Variants in FRMD4A observed in about 807,000 individuals in gnomAD.
The protein encoded by FRMD4A is FERM domain containing 4A.
A neutral mutation model predicts 129.1 loss-of-function variants in FRMD4A; 29 were observed. That is an observed-to-expected ratio of 0.22 (90% CI 0.17 to 0.31). The LOEUF is 0.31. FRMD4A is among the 10% of genes least tolerant of loss of function. The pLI is 1.00. For missense variants in FRMD4A, 1,272 were observed against 1,375.8 expected (o/e 0.92, Z 1.19); for synonymous variants, 634 against 571.6 (o/e 1.11, Z -1.56).
intron 2 of FRMD4A, among the ~76,000 whole-genome samples, chr10:14,073,307 CA>C (rs1351210719): frequency 6.6e-6 from 1 of 152,076 alleles, no homozygotes; most frequent in Non-Finnish European, 1.5e-5. Flanking sequence ...GGGAGGGCTA[CA>C]AGGTGACAGA....
At chr10:14,205,441 C>A (rs552064952) in intron 2 of FRMD4A, among the ~76,000 whole-genome samples, 45 of 152,106 alleles carry the variant, frequency 3.0e-4, no homozygotes, top group Non-Finnish European at 5.4e-4. Context: ...TAACCAGCTT[C>A]CTTACTGATC....
intron 2 of FRMD4A, chr10:13,971,506 T>G (rs2095518027): frequency 2.4e-6 from 1 of 411,836 alleles, no homozygotes; most frequent in East Asian, 7.3e-5. Flanking sequence ...ACCTAGAAGA[T>G]GAGGCTCTGT....
At chr10:13,811,985 T>C (rs2093457259) in intron 3 of FRMD4A, among the ~76,000 whole-genome samples, 1 of 150,614 alleles carries the variant, frequency 6.6e-6, no homozygotes, top group Non-Finnish European at 1.5e-5. Context: ...TGGGTTCAAG[T>C]GATTCTCTTG....
intron 2 of FRMD4A, among the ~76,000 whole-genome samples, chr10:14,252,888 T>C (rs1844486912): frequency 6.6e-6 from 1 of 152,248 alleles, no homozygotes; most frequent in East Asian, 1.9e-4. Flanking sequence ...TATCTGTTAG[T>C]ATTCTACTAA....
At chr10:14,081,141 T>A (rs1271471649) in intron 2 of FRMD4A, among the ~76,000 whole-genome samples, 1 of 152,184 alleles carries the variant, frequency 6.6e-6, no homozygotes, top group African/African-American at 2.4e-5. Flanking sequence ...TAGAGTTTAA[T>A]AAACTCTCCA....
intron 2 of FRMD4A, among the ~76,000 whole-genome samples, chr10:14,152,318 C>T (rs1345804502): frequency 5.3e-5 from 8 of 151,532 alleles, no homozygotes; most frequent in African/African-American, 1.9e-4. Flanking sequence ...TTAGTACAGA[C>T]GGGGTTTCAC....
intron 2 of FRMD4A, among the ~76,000 whole-genome samples, chr10:14,134,258 T>TGGG (rs1179360474): frequency 1.3e-5 from 2 of 151,626 alleles, no homozygotes; most frequent in East Asian, 3.9e-4. Context: ...AATGGATGGA[T>TGGG]GGATGGATGG....
intron 14 of FRMD4A, among the ~76,000 whole-genome samples, chr10:13,695,639 C>T (rs1589418741): frequency 6.6e-6 from 1 of 152,226 alleles, no homozygotes; most frequent in Non-Finnish European, 1.5e-5. Flanking sequence ...CGGTCACTTG[C>T]TCATCTGTCC....
intron 15 of FRMD4A, among the ~76,000 whole-genome samples, chr10:13,682,333 T>A (rs368446648): frequency 6.6e-6 from 1 of 152,074 alleles, no homozygotes; most frequent in African/African-American, 2.4e-5. Context: ...CAAGGAAACG[T>A]AGAATGCTTG....
intron 2 of FRMD4A, among the ~76,000 whole-genome samples, chr10:13,990,045 T>C (rs1376069840): frequency 1.3e-5 from 2 of 152,176 alleles, no homozygotes; most frequent in Non-Finnish European, 2.9e-5. Flanking sequence ...GAAGTCAGAC[T>C]ACCTGGGTTC....
chr10:13,669,332 G>A (rs1219301291), intron 17 of FRMD4A, among the ~76,000 whole-genome samples: 2 of 152,166 alleles, frequency 1.3e-5, no homozygotes, highest in Non-Finnish European at 2.9e-5. Context: ...AAAGTGCTGG[G>A]ATTTTGCAGC....
intron 2 of FRMD4A, among the ~76,000 whole-genome samples, chr10:14,107,194 T>C (rs1837631279): frequency 6.6e-6 from 1 of 152,098 alleles, no homozygotes; most frequent in Non-Finnish European, 1.5e-5. Flanking sequence ...TACTGGAGAC[T>C]ACCAGAGAGG....
At chr10:14,284,380 G>C (rs1329129988) in intron 2 of FRMD4A, among the ~76,000 whole-genome samples, 1 of 152,156 alleles carries the variant, frequency 6.6e-6, no homozygotes, top group African/African-American at 2.4e-5. Flanking sequence ...TGGGCGCAGT[G>C]GTTCATGCCT....
chr10:14,139,613 C>G (rs879271118), intron 2 of FRMD4A, among the ~76,000 whole-genome samples: 7 of 152,084 alleles, frequency 4.6e-5, no homozygotes, highest in African/African-American at 7.2e-5. Context: ...CCACACTGGG[C>G]TAATTTTTTT....
intron 9 of FRMD4A, among the ~76,000 whole-genome samples, chr10:13,746,721 T>G (rs1226387699): frequency 1.3e-5 from 2 of 152,054 alleles, no homozygotes; most frequent in Admixed American, 1.3e-4. Flanking sequence ...ATAAAAGGAG[T>G]TGCAATGATT....
At position 14,117,941 on chromosome 10, in the gene FRMD4A, C is replaced by T. The variant is rs766849908; in HGVS notation, c.45+212117G>A. On this transcript the variant is annotated intron_variant, in intron 2 of 24. Transcript: ENST00000357447. Reference sequence around the variant, plus strand: ...TCTGTCCCTAGAAAGTACCCTCGTGCCTCATGGGGACACATTTAGGGTCAC... The same window carrying T: ...TCTGTCCCTAGAAAGTACCCTCGTGTCTCATGGGGACACATTTAGGGTCAC... Among the ~76,000 whole-genome samples, 17 of 152,216 alleles carry T rather than the reference C, an allele frequency of 1.1e-4. 1 individual carries two copies. Among genetic ancestry groups the T allele is most frequent in the South Asian group, 8.3e-4 (4 of 4,816 alleles).
chr10:13,693,926 G>A lies in FRMD4A; in HGVS notation c.1089C>T (p.Ser363=), dbSNP rs751351710. 75 of 1,606,942 alleles carry A rather than the reference G, an allele frequency of 4.7e-5. No individual in the cohort carries two copies. The African/African-American group carries it at 6.3e-4, about 14-fold the overall frequency. The part of the protein sequence containing the change: ...ANMGSKGKII[S]GSSGSLLSSG... ...AAGACAGCAGGCTGCCGCTGCTGCCGCTGATGATCTTCCCCTTGCTACCCA... is the reference window on the plus strand; with the variant it reads ...AAGACAGCAGGCTGCCGCTGCTGCCACTGATGATCTTCCCCTTGCTACCCA... The change falls in exon 15 of 25, where the codon AGC becomes AGT. Residue 363 remains serine (S), a synonymous_variant. Transcript: ENST00000357447.
At chr10:14,309,743 TG>T (rs1334962561) in intron 2 of FRMD4A, among the ~76,000 whole-genome samples, 1 of 152,132 alleles carries the variant, frequency 6.6e-6, no homozygotes, top group Admixed American at 6.5e-5. Flanking sequence ...CCTGAAGACT[TG>T]CAGTCATTTC....
At chr10:14,068,112 T>G (rs10796151) in intron 2 of FRMD4A, among the ~76,000 whole-genome samples, 90,571 of 151,550 alleles carry the variant, frequency 0.6, 27,904 homozygotes, top group East Asian at 0.84. Context: ...GTATAAATAT[T>G]TCGGAGAGCA....
Sources: gnomAD v4.1 joint callset for allele counts (sites outside exome capture counted in the v4.1 genomes callset) on GRCh38, gnomAD v4.1.1 for gene constraint, MANE v1.5 for transcripts, NCBI Gene and HGNC (gene_info 2026-07-23, HGNC 2026-07-21) for gene names.